Variants in BCL9 observed in about 807,000 individuals in gnomAD.
BCL9 encodes B-cell CLL/lymphoma 9 protein.
BCL9 carries 25 observed loss-of-function variants against 88.5 expected under a neutral mutation model. The ratio of observed to expected loss-of-function variants is 0.28; its 90% CI spans 0.21 to 0.39. The LOEUF is 0.39. Among genes scored for constraint, BCL9 ranks in the 10% least tolerant of loss-of-function variants. The pLI, the probability that BCL9 is intolerant of heterozygous loss-of-function variation, is 1.00. For synonymous variants in BCL9, 711 were observed against 673.3 expected, an observed-to-expected ratio of 1.06 and a Z score of -0.87; for missense variants, 1,817 against 1,877.8, an observed-to-expected ratio of 0.97 and a Z score of 0.60.
At chr1:147,590,259 T>G (rs1432015176) in intron 1 of BCL9, among the ~76,000 whole-genome samples, 2 of 152,174 alleles carry the variant, frequency 1.3e-5, no homozygotes, top group Admixed American at 1.3e-4. Flanking sequence ...GCCCCTGCTT[T>G]CCACCAATTT....
intron 2 of BCL9, among the ~76,000 whole-genome samples, chr1:147,605,339 A>C (rs913254183): frequency 6.6e-6 from 1 of 152,220 alleles, no homozygotes; most frequent in Admixed American, 6.5e-5. Flanking sequence ...CTACACATAC[A>C]GTTTTGTGTT....
chr1:147,601,981 A>G (rs1293514455), intron 1 of BCL9, among the ~76,000 whole-genome samples: 4 of 152,078 alleles, frequency 2.6e-5, no homozygotes, highest in African/African-American at 9.7e-5. Context: ...GCTCACTGCA[A>G]CCTCCGCCTC....
chr1:147,546,153 G>A (rs1654578038), intron 1 of BCL9, among the ~76,000 whole-genome samples: 1 of 151,950 alleles, frequency 6.6e-6, no homozygotes, highest in South Asian at 2.1e-4. Flanking sequence ...TGGCTAAAAC[G>A]GTGAAACCCC....
Position 147,624,032 on chromosome 1 carries a change from T to C in BCL9, c.3354T>C (p.Pro1118=). Residue 1118 remains proline, a synonymous_variant, in exon 10 of 10, where the codon CCT becomes CCC. Coordinates refer to ENST00000234739, the MANE Select transcript of BCL9 (RefSeq NM_004326.4). The surrounding 1 kb of genome is among the most constrained non-coding windows in gnomAD (Gnocchi z 4.4). Reference sequence around the variant, plus strand: ...GGCCTGGCTTGATGTCACACAATCCTATCATGGGGCATGGGTCCCAGGAGC... The same window carrying C: ...GGCCTGGCTTGATGTCACACAATCCCATCATGGGGCATGGGTCCCAGGAGC... The part of the protein sequence containing the change: ...PMGPGLMSHN[P]IMGHGSQEPP... 1 of 1,614,146 alleles carries C rather than the reference T, an allele frequency of 6.2e-7. No individual in the cohort carries two copies. The highest frequency in any genetic ancestry group is 8.5e-7 in the Non-Finnish European group (1 of 1,180,018).
chr1:147,593,008 T>C (rs1017441828), intron 1 of BCL9, among the ~76,000 whole-genome samples: 1 of 152,206 alleles, frequency 6.6e-6, no homozygotes, highest in Non-Finnish European at 1.5e-5. Context: ...CGTCTCCCCT[T>C]GTAAGCATTC....
intron 1 of BCL9, among the ~76,000 whole-genome samples, chr1:147,586,603 CG>C (rs1371235968): frequency 6.6e-6 from 1 of 152,280 alleles, no homozygotes; most frequent in African/African-American, 2.4e-5. Flanking sequence ...GGGTCTGCTC[CG>C]GGGCCAGGGG....
Position 147,624,419 on chromosome 1 carries a change from G to A in BCL9, c.3741G>A (p.Gln1247=), listed in dbSNP as rs1272021282. ...SRIIPSEKPS[Q]TLQYFPRGEV... ...TTATTCCATCTGAGAAGCCCAGCCA[G>A]ACGCTGCAATATTTCCCTCGAGGGG... The change falls in exon 10 of 10, where the codon CAG becomes CAA. Residue 1247 remains glutamine (Q), a synonymous_variant. Transcript: ENST00000234739. This position sits in a 1 kb window ranked among gnomAD's most constrained non-coding sequence, Gnocchi z 4.4. 2.5e-6 allele frequency: 4 copies of A among 1,614,110 alleles called. No individual in the cohort carries two copies. In the Admixed American group the frequency reaches 6.7e-5, roughly 27 times the overall value.
At chr1:147,604,519 C>T (rs1436024904) in intron 1 of BCL9, among the ~76,000 whole-genome samples, 3 of 152,250 alleles carry the variant, frequency 2.0e-5, no homozygotes, top group Admixed American at 6.5e-5. Context: ...GTGGCTTTTG[C>T]TTTTCTAAAC....
At position 147,597,330 on chromosome 1, in the gene BCL9, T is replaced by C. The variant is rs587594471; in HGVS notation, c.-477-7447T>C. Among the ~76,000 whole-genome samples the C allele has an allele frequency of 2.0e-5, 3 of 152,318 alleles. No individual in the cohort carries two copies. The South Asian group carries it at 6.2e-4, about 32-fold the overall frequency. On this transcript the variant is annotated intron_variant, in intron 1 of 9. Transcript: ENST00000234739. ...TAGCTAAAGAACTAAGAAGTCAAAC[T>C]TACATCATCTATGTTTGCAACACAG...
At position 147,619,944 on chromosome 1, in the gene BCL9, C is replaced by A; in HGVS notation, c.1789C>A (p.Pro597Thr). ...LSGVSWPDDV[P>T]KIPDGRNFPP... ...TGGAGTCAGTTGGCCAGATGATGTG[C>A]CAAAAATCCCAGATGGTCGAAATTT... The change falls in exon 8 of 10, where the codon CCA (proline) becomes ACA (threonine). Residue 597 changes from proline (P) to threonine (T), a missense_variant. Physicochemically the swap from Pro to Thr is conservative, Grantham distance 38 (BLOSUM62 -1). This residue lies in a region of BCL9 where 1,228 missense variants were observed against 1,191.6 expected (regional missense o/e 1.03). Transcript: ENST00000234739. This position sits in a 1 kb window ranked among gnomAD's most constrained non-coding sequence, Gnocchi z 4.1. The A allele has an allele frequency of 1.9e-6, 3 of 1,614,178 alleles. No homozygotes were observed. The highest frequency in any genetic ancestry group is 2.5e-6 in the Non-Finnish European group (3 of 1,180,040).
chr1:147,558,728 A>G (rs1553195718), intron 1 of BCL9, among the ~76,000 whole-genome samples: 1 of 152,182 alleles, frequency 6.6e-6, no homozygotes, highest in Non-Finnish European at 1.5e-5. Flanking sequence ...CTTATAGGAC[A>G]TGATATAGAA....
intron 1 of BCL9, among the ~76,000 whole-genome samples, chr1:147,571,123 G>A (rs1348368547): frequency 3.3e-5 from 5 of 152,090 alleles, no homozygotes; most frequent in African/African-American, 9.7e-5. Context: ...GAGACAATTC[G>A]TGGTCAGGAG....
chr1:147,620,380 C>G lies in BCL9; in HGVS notation c.2225C>G (p.Ala742Gly), dbSNP rs369375635. ...CCTCAGAAGATGAGAGAGGCTGGGGCGGGCCCTGAGGAGATGCTGAAATTA... is the reference window on the plus strand; with the variant it reads ...CCTCAGAAGATGAGAGAGGCTGGGGGGGGCCCTGAGGAGATGCTGAAATTA... Reference protein sequence around the residue: ...MIPQKMREAGAGPEEMLKLRP... With the variant: ...MIPQKMREAGGGPEEMLKLRP... Residue 742 changes from alanine to glycine, a missense_variant, in exon 8 of 10, where the codon GCG becomes GGG. This residue lies in a region of BCL9 where 1,228 missense variants were observed against 1,191.6 expected (regional missense o/e 1.03). Transcript: ENST00000234739. 6.2e-7 allele frequency: 1 copy of G among 1,614,028 alleles called. No individual in the cohort carries two copies. Among genetic ancestry groups the G allele is most frequent in the Non-Finnish European group, 8.5e-7 (1 of 1,180,000 alleles).
intron 1 of BCL9, among the ~76,000 whole-genome samples, chr1:147,542,772 T>G (rs1162491529): frequency 6.6e-6 from 1 of 152,158 alleles, no homozygotes; most frequent in East Asian, 1.9e-4. Flanking sequence ...TGTACGTATT[T>G]TTGTTTTAAA....
rs371890308 is a variant in BCL9 at position 147,613,131 on chromosome 1, G to A, written c.302G>A (p.Arg101Gln). 50 of 1,614,182 alleles carry A rather than the reference G, an allele frequency of 3.1e-5. No homozygotes were observed. In the East Asian group the frequency reaches 7.8e-4, roughly 25 times the overall value. The change falls in exon 5 of 10, where the codon CGA becomes CAA. Residue 101 changes from arginine to glutamine, a missense_variant. Coordinates refer to ENST00000234739, the MANE Select transcript of BCL9 (RefSeq NM_004326.4). The part of the protein sequence containing the change: ...NGAKGKGKRE[R>Q]SISADSFDQR... ...GCCAAGGGCAAGGGGAAAAGGGAGC[G>A]AAGTATTTCCGCCGACTCCTTTGAT...
chr1:147,543,755 C>T (rs920242511), intron 1 of BCL9, among the ~76,000 whole-genome samples: 1 of 152,064 alleles, frequency 6.6e-6, no homozygotes, highest in East Asian at 1.9e-4. Flanking sequence ...TGATCTGAGG[C>T]GGGTGCAACA....
At chr1:147,579,993 C>T (rs1428309865) in intron 1 of BCL9, among the ~76,000 whole-genome samples, 3 of 152,230 alleles carry the variant, frequency 2.0e-5, no homozygotes, top group Non-Finnish European at 4.4e-5. Flanking sequence ...TTCCTCCATT[C>T]ATCTCTGACT....
chr1:147,624,232 A>G lies in BCL9; in HGVS notation c.3554A>G (p.Gln1185Arg). The change falls in exon 10 of 10, where the codon CAA (glutamine) becomes CGA (arginine). Residue 1185 changes from glutamine (Q) to arginine (R), a missense_variant. Around this residue, in one of 2 missense-constraint regions of BCL9, gnomAD observed 589 missense variants for 686.2 expected, o/e 0.86. Coordinates refer to ENST00000234739, the MANE Select transcript of BCL9 (RefSeq NM_004326.4). The surrounding 1 kb of genome is among the most constrained non-coding windows in gnomAD (Gnocchi z 4.4). ...GPLGRPSNLPQSSADAALCKP... is the reference protein window; with the variant it reads ...GPLGRPSNLPRSSADAALCKP... ...CTTGGCCGCCCCAGCAACCTGCCCCAAAGTTCAGCAGATGCAGCACTTTGC... is the reference window on the plus strand; with the variant it reads ...CTTGGCCGCCCCAGCAACCTGCCCCGAAGTTCAGCAGATGCAGCACTTTGC... 1 of 1,613,170 alleles carries G rather than the reference A, an allele frequency of 6.2e-7. No homozygotes were observed. The highest frequency in any genetic ancestry group is 1.3e-5 in the African/African-American group (1 of 75,044).
At chr1:147,594,071 A>T (rs587705501) in intron 1 of BCL9, among the ~76,000 whole-genome samples, 5 of 152,350 alleles carry the variant, frequency 3.3e-5, no homozygotes, top group African/African-American at 1.2e-4. Context: ...CTTAAGGTAG[A>T]TAGAGGGGCC....
Sources: allele counts gnomAD v4.1 joint callset (sites outside exome capture counted in the v4.1 genomes callset), GRCh38; gene constraint gnomAD v4.1.1; regional missense constraint gnomAD v4.1.1; non-coding constraint Gnocchi (gnomAD v3.1); transcripts MANE v1.5; gene names NCBI Gene and HGNC (gene_info 2026-07-23, HGNC 2026-07-21).